CDH18: variants seen among roughly 807,000 people sequenced by gnomAD.
The protein encoded by CDH18 is cadherin 18.
Under a neutral mutation model 67.9 loss-of-function variants are expected in CDH18, and 31 were observed. That is an observed-to-expected ratio of 0.46 (90% CI 0.34 to 0.62). The LOEUF is 0.62. Ranked by LOEUF, CDH18 falls within the 20% of genes least tolerant of loss-of-function variation. The pLI is 0.01. For missense variants in CDH18, 890 were observed against 975.5 expected (o/e 0.91, Z 1.17); for synonymous variants, 362 against 347.2 (o/e 1.04, Z -0.48).
chr5:20,188,564 T>C (rs1354556666), intron 2 of CDH18, among the ~76,000 whole-genome samples: 1 of 152,032 alleles, frequency 6.6e-6, no homozygotes, highest in East Asian at 1.9e-4. Context: ...AAGTACTTTA[T>C]GTACTCCTAT....
At chr5:20,494,657 A>G (rs1753804426) in intron 1 of CDH18, among the ~76,000 whole-genome samples, 1 of 152,094 alleles carries the variant, frequency 6.6e-6, no homozygotes, top group South Asian at 2.1e-4. Flanking sequence ...TCAGTACCCA[A>G]CCTGGGGAGA....
chr5:20,274,933 C>G (rs1006191959), intron 1 of CDH18, among the ~76,000 whole-genome samples: 1 of 152,018 alleles, frequency 6.6e-6, no homozygotes, highest in East Asian at 1.9e-4. Flanking sequence ...ATTCCAAAAC[C>G]TCTGACCATG....
chr5:19,964,136 G>T (rs1297578097), intron 2 of CDH18, among the ~76,000 whole-genome samples: 3 of 152,118 alleles, frequency 2.0e-5, no homozygotes, highest in African/African-American at 4.8e-5. Context: ...AAATGTTTAT[G>T]AAGTCTATCA....
intron 2 of CDH18, among the ~76,000 whole-genome samples, chr5:19,876,768 C>CA (rs1787055358): frequency 6.6e-6 from 1 of 152,048 alleles, no homozygotes; most frequent in African/African-American, 2.4e-5. Context: ...GAAGGGAAAA[C>CA]TCAGGTAGGG....
intron 1 of CDH18, among the ~76,000 whole-genome samples, chr5:20,499,121 CACAT>C (rs1381239674): frequency 1.3e-5 from 2 of 152,016 alleles, no homozygotes; most frequent in Non-Finnish European, 2.9e-5. Flanking sequence ...CACTCTCACA[CACAT>C]ACACACACAC....
intron 7 of CDH18, among the ~76,000 whole-genome samples, chr5:19,585,606 C>A (rs185500503): frequency 1.1e-4 from 16 of 152,266 alleles, no homozygotes; most frequent in African/African-American, 3.8e-4. Context: ...TTCAGTATCC[C>A]TAGACTACAT....
chr5:19,883,717 G>A (rs187497170), intron 2 of CDH18, among the ~76,000 whole-genome samples: 34 of 152,066 alleles, frequency 2.2e-4, no homozygotes, highest in Non-Finnish European at 2.8e-4. Context: ...GGGGTTTGAC[G>A]TTCTGTTTTT....
At chr5:20,147,159 A>G (rs1327401046) in intron 2 of CDH18, among the ~76,000 whole-genome samples, 3 of 152,174 alleles carry the variant, frequency 2.0e-5, no homozygotes, top group African/African-American at 7.2e-5. Flanking sequence ...AATGATTACA[A>G]TATATTTACA....
chr5:20,274,263 TCACA>T (rs1745643722), intron 1 of CDH18, among the ~76,000 whole-genome samples: 1 of 152,158 alleles, frequency 6.6e-6, no homozygotes, highest in South Asian at 2.1e-4. Context: ...AAGAATGAAT[TCACA>T]CACTGTGGCA....
intron 1 of CDH18, among the ~76,000 whole-genome samples, chr5:20,361,783 A>G (rs1172135191): frequency 6.6e-6 from 1 of 152,142 alleles, no homozygotes; most frequent in East Asian, 1.9e-4. Context: ...CAACATTTAC[A>G]CATTACATTA....
intron 2 of CDH18, among the ~76,000 whole-genome samples, chr5:20,098,190 T>G (rs146588028): frequency 0.021 from 3,227 of 152,180 alleles, 130 homozygotes; most frequent in African/African-American, 0.072. Flanking sequence ...CAATTATTTT[T>G]CTAAGGATAT....
intron 3 of CDH18, among the ~76,000 whole-genome samples, chr5:19,822,145 C>G (rs1365306434): frequency 6.6e-6 from 1 of 152,132 alleles, no homozygotes; most frequent in Non-Finnish European, 1.5e-5. Context: ...TGTAGGTGCT[C>G]TAAACACTCT....
rs1747928756 is a variant in CDH18, at chr5:19,605,705, T to A, written c.811+6729A>T. 3.3e-5 allele frequency among the ~76,000 whole-genome samples: 5 copies of A among 152,162 alleles called. No individual in the cohort carries two copies. The South Asian group carries it at 1.0e-3, about 32-fold the overall frequency. ...TAGGGAACTCAGGATGGAGTATGAT[T>A]CTTGAGAGAAAGAAACCATAACAAA... On this transcript the variant is annotated intron_variant, in intron 6 of 12. Transcript: ENST00000382275.
intron 1 of CDH18, among the ~76,000 whole-genome samples, chr5:20,377,089 A>C (rs1048347413): frequency 3.3e-5 from 5 of 152,096 alleles, no homozygotes; most frequent in Non-Finnish European, 7.4e-5. Flanking sequence ...TGAAGCGGTC[A>C]CTTCCCTCAC....
intron 2 of CDH18, among the ~76,000 whole-genome samples, chr5:19,884,325 A>G (rs1189656692): frequency 6.6e-6 from 1 of 152,146 alleles, no homozygotes; most frequent in Admixed American, 6.6e-5. Context: ...AGACCTATTA[A>G]TGGAACAGAA....
intron 2 of CDH18, among the ~76,000 whole-genome samples, chr5:20,236,514 C>T (rs902549544): frequency 5.3e-5 from 8 of 151,726 alleles, no homozygotes; most frequent in African/African-American, 1.9e-4. Context: ...GAGATAATGG[C>T]ATCACTGAAG....
chr5:20,035,144 C>T (rs999692619), intron 2 of CDH18, among the ~76,000 whole-genome samples: 1 of 152,034 alleles, frequency 6.6e-6, no homozygotes, highest in Non-Finnish European at 1.5e-5. Context: ...CTCCTGCCAA[C>T]ACACATTATT....
At chr5:20,337,395 G>C (rs1480126202) in intron 1 of CDH18, among the ~76,000 whole-genome samples, 1 of 152,114 alleles carries the variant, frequency 6.6e-6, no homozygotes, top group African/African-American at 2.4e-5. Flanking sequence ...GCCTTTAGCA[G>C]CATCCAAGTC....
intron 4 of CDH18, among the ~76,000 whole-genome samples, chr5:19,745,494 T>C (rs975729534): frequency 1.3e-5 from 2 of 152,186 alleles, no homozygotes; most frequent in African/African-American, 4.8e-5. Flanking sequence ...GGGAGCACCA[T>C]AGAGCTCGTT....
Sources: allele counts gnomAD v4.1 joint callset (sites outside exome capture counted in the v4.1 genomes callset), GRCh38; gene constraint gnomAD v4.1.1; transcripts MANE v1.5; gene names NCBI Gene and HGNC (gene_info 2026-07-23, HGNC 2026-07-21).